Variants in ZNF106 observed in about 807,000 individuals in gnomAD.
ZNF106 encodes the protein zinc finger protein 106.
In ZNF106, 67 loss-of-function variants were observed where a neutral mutation model predicts 195.1. The observed-to-expected ratio is 0.34, with a 90% CI of 0.28 to 0.42. The LOEUF is 0.42. ZNF106 is among the 10% of genes least tolerant of loss of function. The pLI, the probability that ZNF106 is intolerant of heterozygous loss-of-function variation, is 1.00. For missense variants in ZNF106, 2,118 were observed against 2,304.5 expected, an observed-to-expected ratio of 0.92 and a Z score of 1.66; for synonymous variants, 784 against 818.6, an observed-to-expected ratio of 0.96 and a Z score of 0.72.
chr15:42,489,697 T>A lies in ZNF106; in HGVS notation c.-33+1283A>T, dbSNP rs147841477. Among the ~76,000 whole-genome samples the A allele has an allele frequency of 2.9e-3, 444 of 152,296 alleles. 3 individuals carry two copies. The highest frequency in any genetic ancestry group is 3.0e-3 in the Non-Finnish European group (204 of 68,020). ...GGGGCTTAAAGCAAATTTTAAGATTTCCCATGCTATTTACAACAGTACTAA... is the reference window on the plus strand; with the variant it reads ...GGGGCTTAAAGCAAATTTTAAGATTACCCATGCTATTTACAACAGTACTAA... On this transcript the variant is annotated intron_variant, in intron 1 of 21. Coordinates refer to ENST00000564754, the MANE Select transcript of ZNF106 (RefSeq NM_001366845.3).
Position 42,416,971 on chromosome 15 carries a change from TATG to T in ZNF106, c.*330_*332del, listed in dbSNP as rs1401907263. 4 of 197,348 alleles carry T rather than the reference TATG, an allele frequency of 2.0e-5. No individual in the cohort carries two copies. The highest frequency in any genetic ancestry group is 4.1e-5 in the Non-Finnish European group (4 of 98,322). 12.2% of individuals were successfully genotyped at this position (197,348 alleles called of 1,614,324 possible). A position where few individuals can be genotyped will look rare whatever the true frequency, so the allele number is the denominator to read the frequency against. The stretch of plus-strand genomic sequence containing the variant: ...CAAACTGAAATCAATAAAATATACA[TATG>T]ATTAGGGTCAAACTGGGTAACCAAT... On this transcript the variant is annotated 3_prime_UTR_variant, in exon 22 of 22. Transcript: ENST00000564754.
rs563043170 is a variant in ZNF106, at chr15:42,433,005, G to A, written c.4881+2379C>T. Among the ~76,000 whole-genome samples, 3 of 152,154 alleles carry A rather than the reference G, an allele frequency of 2.0e-5. No homozygotes were observed. The East Asian group carries it at 5.8e-4, about 29-fold the overall frequency. On this transcript the variant is annotated intron_variant, in intron 14 of 21. Coordinates refer to ENST00000564754, the MANE Select transcript of ZNF106 (RefSeq NM_001366845.3). ...CACATTTCATATAATTATTAAATAT[G>A]GGTAAATTTAGGTCTCCAATTTGCT...
At position 42,451,124 on chromosome 15, in the gene ZNF106, A is replaced by G; in HGVS notation, c.1148T>C (p.Leu383Ser). ...AGTGATGTCTTTCAATCCCGACTGT[A>G]AATCCAGAGTCTTCTGAGAAGGGTA... ...TPYPSQKTLD[L>S]QSGLKDITGN... The change falls in exon 5 of 22, where the codon TTA (leucine) becomes TCA (serine). Residue 383 changes from leucine (L) to serine (S), a missense_variant. Leu to Ser is a moderately radical substitution (Grantham distance 145, BLOSUM62 -2). Coordinates refer to ENST00000564754, the MANE Select transcript of ZNF106 (RefSeq NM_001366845.3). The G allele has an allele frequency of 6.2e-7, 1 of 1,614,216 alleles. No individual in the cohort carries two copies. The highest frequency in any genetic ancestry group is 2.2e-5 in the East Asian group (1 of 44,886).
At chr15:42,484,646 G>A (rs1376140952) in intron 1 of ZNF106, among the ~76,000 whole-genome samples, 4 of 152,208 alleles carry the variant, frequency 2.6e-5, no homozygotes, top group Admixed American at 1.3e-4. Flanking sequence ...GCTTACGCAC[G>A]AGAATTGCTT....
chr15:42,417,437 A>G, intron 21 of ZNF106, 77 bp from the exon 22 acceptor site: 1 of 1,552,404 alleles, frequency 6.4e-7, no homozygotes, highest in Non-Finnish European at 8.9e-7. Context: ...AAGGAAAGCC[A>G]TGTGGGTCCA....
chr15:42,486,963 A>G (rs1248476273), intron 1 of ZNF106, among the ~76,000 whole-genome samples: 6 of 151,900 alleles, frequency 3.9e-5, no homozygotes, highest in Non-Finnish European at 8.8e-5. Flanking sequence ...AGCCTGGCCA[A>G]CATAGTGAAA....
At chr15:42,434,959 G>C (rs1029838974) in intron 14 of ZNF106, among the ~76,000 whole-genome samples, 1 of 151,956 alleles carries the variant, frequency 6.6e-6, no homozygotes, top group Non-Finnish European at 1.5e-5. Context: ...TTTTAGTAGA[G>C]ACAGGGTTTC....
chr15:42,459,353 G>A lies in ZNF106; in HGVS notation c.117-2195C>T, dbSNP rs538480839. Among the ~76,000 whole-genome samples, 5 of 152,130 alleles carry A rather than the reference G, an allele frequency of 3.3e-5. No individual in the cohort carries two copies. In the East Asian group the frequency reaches 7.8e-4, roughly 24 times the overall value. On this transcript the variant is annotated intron_variant, in intron 3 of 21. Transcript: ENST00000564754. The stretch of plus-strand genomic sequence containing the variant: ...TAGACGGGCATGGTGGCGGGCACCT[G>A]TAATCCCAGCTACTCAAGAGGCTGA...
rs913433855 is a variant in ZNF106 at position 42,439,272 on chromosome 15, A to G, written c.4305T>C (p.Ser1435=). Residue 1435 remains serine, a synonymous_variant, in exon 11 of 22, where the codon AGT becomes AGC. Transcript: ENST00000564754. ...EDSRTGREQE[S]VRDEPDSDSS... is the part of the protein sequence containing the mutation. ...AGTCACTATCTGGCTCATCTCTGAC[A>G]CTCTCCTGCTCCCGACCAGTCCTGC... 18 of 1,613,876 alleles carry G rather than the reference A, an allele frequency of 1.1e-5. No homozygotes were observed. The highest frequency in any genetic ancestry group is 1.5e-5 in the Non-Finnish European group (18 of 1,179,992).
chr15:42,462,950 TTTTTG>T (rs767055463), intron 3 of ZNF106, among the ~76,000 whole-genome samples: 11 of 140,172 alleles, frequency 7.8e-5, no homozygotes, highest in Non-Finnish European at 1.3e-4. Flanking sequence ...ACCTGGCTTT[TTTTTG>T]TTTTGTTTTT....
At chr15:42,475,275 C>A (rs2056760489) in intron 1 of ZNF106, among the ~76,000 whole-genome samples, 1 of 152,048 alleles carries the variant, frequency 6.6e-6, no homozygotes, top group Non-Finnish European at 1.5e-5. Context: ...CAACATGTCT[C>A]TATTAAAAAT....
In ZNF106 at chr15:42,456,867, A is replaced by G. The variant is rs982885316; in HGVS notation, c.317+91T>C. The G allele has an allele frequency of 6.6e-6, 8 of 1,220,272 alleles. No individual in the cohort carries two copies. In the African/African-American group the frequency reaches 1.1e-4, roughly 16 times the overall value. 75.6% of individuals were successfully genotyped at this position (1,220,272 alleles called of 1,614,324 possible). On this transcript the variant is annotated intron_variant, in intron 4 of 21. Transcript: ENST00000564754. ...AGCTAAACTTTATACCTAAGTTTAA[A>G]TGCCATGGGCTGACCAGTACAAAGA...
At chr15:42,481,451 G>A (rs948563716) in intron 1 of ZNF106, among the ~76,000 whole-genome samples, 1 of 148,724 alleles carries the variant, frequency 6.7e-6, no homozygotes, top group African/African-American at 2.5e-5. Flanking sequence ...TCCACCTCCT[G>A]GGTTCAAGCG....
Position 42,438,699 on chromosome 15 carries a change from T to A in ZNF106, c.4545-32A>T, listed in dbSNP as rs1186136279. On this transcript the variant is annotated intron_variant, in intron 11 of 21. Coordinates refer to ENST00000564754, the MANE Select transcript of ZNF106 (RefSeq NM_001366845.3). ...AATAATAGCAAAAGTGTTCTCAGCATCTGTGTGAACAGGGCAGGTAGTAAA... is the reference window on the plus strand; with the variant it reads ...AATAATAGCAAAAGTGTTCTCAGCAACTGTGTGAACAGGGCAGGTAGTAAA... 2.5e-6 allele frequency: 4 copies of A among 1,605,052 alleles called. No individual in the cohort carries two copies. The Admixed American group carries it at 5.0e-5, about 20-fold the overall frequency.
chr15:42,435,483 G>A lies in ZNF106; in HGVS notation c.4782C>T (p.Thr1594=), dbSNP rs370283517. 6.2e-7 allele frequency: 1 copy of A among 1,614,088 alleles called. No individual in the cohort carries two copies. Reference sequence around the variant, plus strand: ...TAACCAGGAGGCAGTTAACTTTGGAGGTATGACCCTCAAAGACACCAATAC... The same window carrying A: ...TAACCAGGAGGCAGTTAACTTTGGAAGTATGACCCTCAAAGACACCAATAC... ...RKCIGVFEGH[T]SKVNCLLVTQ... The change falls in exon 14 of 22, where the codon ACC becomes ACT. Residue 1594 remains threonine (T), a synonymous_variant. Coordinates refer to ENST00000564754, the MANE Select transcript of ZNF106 (RefSeq NM_001366845.3).
At chr15:42,479,912 C>CA (rs1329509430) in intron 1 of ZNF106, among the ~76,000 whole-genome samples, 1 of 152,160 alleles carries the variant, frequency 6.6e-6, no homozygotes, top group Non-Finnish European at 1.5e-5. Context: ...TGCCATGACA[C>CA]AAACATGGCT....
chr15:42,440,379 CAA>C (rs1021997907), intron 10 of ZNF106, among the ~76,000 whole-genome samples: 83 of 152,116 alleles, frequency 5.5e-4, no homozygotes, highest in African/African-American at 1.9e-3. Flanking sequence ...ACTAAATATT[CAA>C]AAAAGATTCA....
intron 1 of ZNF106, among the ~76,000 whole-genome samples, chr15:42,485,105 T>C (rs2056983349): frequency 6.6e-6 from 1 of 152,022 alleles, no homozygotes; most frequent in Admixed American, 6.6e-5. Flanking sequence ...GCCAAGACCA[T>C]GCCACTGCAC....
At chr15:42,459,573 G>C (rs545494688) in intron 3 of ZNF106, among the ~76,000 whole-genome samples, 5 of 152,312 alleles carry the variant, frequency 3.3e-5, no homozygotes, top group Admixed American at 3.3e-4. Flanking sequence ...ATTGATGGTA[G>C]CTCATTCCAA....
Sources: allele counts gnomAD v4.1 joint callset (sites outside exome capture counted in the v4.1 genomes callset), GRCh38; gene constraint gnomAD v4.1.1; transcripts MANE v1.5; gene names NCBI Gene and HGNC (gene_info 2026-07-23, HGNC 2026-07-21).